Variants in WIPF2 observed in about 807,000 individuals in gnomAD.
WIPF2 encodes the protein WAS/WASL-interacting protein family member 2.
A neutral mutation model predicts 38.8 loss-of-function variants in WIPF2; 23 were observed. That is an observed-to-expected ratio of 0.59 (90% CI 0.43 to 0.84). The LOEUF (loss-of-function observed/expected upper bound fraction) is 0.84, where lower values mean the gene tolerates loss of function less well. Ranked by LOEUF, WIPF2 falls within the 40% of genes least tolerant of loss-of-function variation. WIPF2 has a pLI of 0.00. For synonymous variants in WIPF2, 210 were observed against 223.2 expected, an observed-to-expected ratio of 0.94 and a Z score of 0.53; for missense variants, 574 against 580.5, an observed-to-expected ratio of 0.99 and a Z score of 0.11.
At chr17:40,220,329 T>G (rs55835834) in intron 1 of WIPF2, 24,443 of 151,582 alleles carry the variant, frequency 0.16, 2,133 homozygotes, top group East Asian at 0.3. Context: ...TCGAGTTTTT[T>G]ATCAGGAAGG....
chr17:40,249,042 G>C (rs1444292410), intron 1 of WIPF2, among the ~76,000 whole-genome samples: 1 of 152,022 alleles, frequency 6.6e-6, no homozygotes, highest in Admixed American at 6.6e-5. Flanking sequence ...TCAGTGCTTT[G>C]ATACAAAAAC....
intron 1 of WIPF2, among the ~76,000 whole-genome samples, chr17:40,237,545 A>T (rs2031024080): frequency 6.7e-6 from 1 of 149,614 alleles, no homozygotes; most frequent in African/African-American, 2.5e-5. Context: ...CCCAACCCTA[A>T]TTTTTTTTTC....
At chr17:40,258,889 G>A (rs573312933) in intron 2 of WIPF2, among the ~76,000 whole-genome samples, 32 of 151,118 alleles carry the variant, frequency 2.1e-4, no homozygotes, top group African/African-American at 7.0e-4. Context: ...CAAGTGATCC[G>A]CTTGCTTCAG....
chr17:40,270,613 C>G (rs1219880127), intron 5 of WIPF2, among the ~76,000 whole-genome samples: 1 of 152,094 alleles, frequency 6.6e-6, no homozygotes, highest in Non-Finnish European at 1.5e-5. Flanking sequence ...GGAGTAGATA[C>G]AAATTCTCAG....
Position 40,273,798 on chromosome 17 carries a change from C to G in WIPF2, c.979C>G (p.Pro327Ala). The change falls in exon 6 of 8, where the codon CCC (proline) becomes GCC (alanine). Residue 327 changes from proline to alanine, a missense_variant. Physicochemically the swap from Pro to Ala is conservative, Grantham distance 27. Transcript: ENST00000323571. ...DPPSRGAAPP[P>A]PPPVIRNGAR... ...TTGGATTTTAATTGCAGCTCCTCCA[C>G]CCCCACCACCTGTGATCCGAAATGG... The G allele has an allele frequency of 6.2e-7, 1 of 1,603,746 alleles. No individual in the cohort carries two copies. The highest frequency in any genetic ancestry group is 8.5e-7 in the Non-Finnish European group (1 of 1,172,380).
At position 40,227,506 on chromosome 17, in the gene WIPF2, T is replaced by G. The variant is rs370602246; in HGVS notation, c.-70+8014T>G. Among the ~76,000 whole-genome samples, 7 of 152,278 alleles carry G rather than the reference T, an allele frequency of 4.6e-5. No individual in the cohort carries two copies. In the East Asian group the frequency reaches 1.2e-3, roughly 25 times the overall value. On this transcript the variant is annotated intron_variant, in intron 1 of 7. Coordinates refer to ENST00000323571, the MANE Select transcript of WIPF2 (RefSeq NM_133264.5). ...CCCTTGGAAACATCTATGTTTGTCT[T>G]CCTATCAATCCAGTTCATCTTCCCA...
At chr17:40,222,427 G>A (rs1016004068) in intron 1 of WIPF2, among the ~76,000 whole-genome samples, 1 of 151,072 alleles carries the variant, frequency 6.6e-6, no homozygotes, top group Admixed American at 6.6e-5. Context: ...GGAGGCCAAG[G>A]TGGTGGATCA....
At chr17:40,263,546 TCC>T (rs71152659) in intron 4 of WIPF2, among the ~76,000 whole-genome samples, 1,678 of 85,894 alleles carry the variant, frequency 0.02, 27 homozygotes, top group Non-Finnish European at 0.029. Flanking sequence ...TATTTATTCG[TCC>T]CCCCCCCCCC....
intron 6 of WIPF2, among the ~76,000 whole-genome samples, chr17:40,274,462 A>G (rs561626179): frequency 6.7e-6 from 1 of 149,830 alleles, no homozygotes; most frequent in East Asian, 2.0e-4. Flanking sequence ...GCCGCTGTCA[A>G]ACTCCTGGTC....
intron 1 of WIPF2, among the ~76,000 whole-genome samples, chr17:40,254,095 CA>C (rs1479410566): frequency 6.6e-6 from 1 of 151,394 alleles, no homozygotes; most frequent in Non-Finnish European, 1.5e-5. Context: ...GGGCTTACTG[CA>C]ACCTCCGCCT....
Position 40,273,912 on chromosome 17 carries a change from A to G in WIPF2, c.1093A>G (p.Arg365Gly), listed in dbSNP as rs368033023. ...AGGAAAGCCCCCACCTCCACCCTCA[A>G]GGACGCCAGCTGGGCCACCCCCTCC... Reference protein sequence around the residue: ...SRGKPPPPPSRTPAGPPPPPP... With the variant: ...SRGKPPPPPSGTPAGPPPPPP... The change falls in exon 6 of 8, where the codon AGG becomes GGG. Residue 365 changes from arginine to glycine, a missense_variant. Coordinates refer to ENST00000323571, the MANE Select transcript of WIPF2 (RefSeq NM_133264.5). 1.3e-6 allele frequency: 2 copies of G among 1,587,008 alleles called. No individual in the cohort carries two copies. Among genetic ancestry groups the G allele is most frequent in the African/African-American group, 2.8e-5 (2 of 71,616 alleles).
At chr17:40,254,453 T>G (rs992333706) in intron 1 of WIPF2, among the ~76,000 whole-genome samples, 6 of 152,156 alleles carry the variant, frequency 3.9e-5, no homozygotes, top group African/African-American at 1.4e-4. Flanking sequence ...TTCCATTTTT[T>G]GGGGGGAGGG....
intron 5 of WIPF2, among the ~76,000 whole-genome samples, chr17:40,266,580 A>G (rs2032094551): frequency 6.6e-6 from 1 of 152,332 alleles, no homozygotes; most frequent in Non-Finnish European, 1.5e-5. Context: ...AGATAGCAAT[A>G]TAGAAATCTC....
At position 40,244,981 on chromosome 17, in the gene WIPF2, G is replaced by A. The variant is rs114550442; in HGVS notation, c.-69-11410G>A. ...TGGTTAAATTCTCCTAGATCCTGAA[G>A]CCTGCAACCCTATCCAAAGGAAGAC... On this transcript the variant is annotated intron_variant, in intron 1 of 7. Transcript: ENST00000323571. Among the ~76,000 whole-genome samples the A allele has an allele frequency of 1.4e-3, 215 of 152,122 alleles. 2 individuals are homozygous for A. Among genetic ancestry groups the A allele is most frequent in the African/African-American group, 4.9e-3 (202 of 41,484 alleles).
At chr17:40,250,186 A>G (rs568799216) in intron 1 of WIPF2, among the ~76,000 whole-genome samples, 1 of 124,154 alleles carries the variant, frequency 8.1e-6, no homozygotes, top group Admixed American at 8.5e-5. Flanking sequence ...TAAGATATTG[A>G]CTCCTGAGGA....
In WIPF2 at chr17:40,228,010, G is replaced by GTTT. The variant is rs1175714533; in HGVS notation, c.-70+8539_-70+8541dup. 7.9e-3 allele frequency among the ~76,000 whole-genome samples: 624 copies of GTTT among 79,242 alleles called. 23 individuals carry two copies. Among genetic ancestry groups the GTTT allele is most frequent in the African/African-American group, 0.019 (336 of 17,612 alleles). 52.0% of individuals were successfully genotyped at this position (79,242 alleles called of 152,430 possible). ...TTTGCTTGTTTTTATACCTCTTTTT[G>GTTT]TTTTTTTTTTTTTTTTTTTTTTTGA... is the stretch of plus-strand genomic sequence containing the variant. On this transcript the variant is annotated intron_variant, in intron 1 of 7. Transcript: ENST00000323571.
chr17:40,239,986 C>T (rs1056243087), intron 1 of WIPF2, among the ~76,000 whole-genome samples: 7 of 152,002 alleles, frequency 4.6e-5, no homozygotes, highest in Non-Finnish European at 7.4e-5. Flanking sequence ...CATGAGCCAC[C>T]GAGCCTGGCC....
chr17:40,235,982 G>A (rs1598471684), intron 1 of WIPF2, among the ~76,000 whole-genome samples: 1 of 149,446 alleles, frequency 6.7e-6, no homozygotes, highest in Admixed American at 6.7e-5. Context: ...TTTTTGAGAT[G>A]GAGTCTTGCT....
chr17:40,261,480 G>C (rs1018362395), intron 3 of WIPF2, among the ~76,000 whole-genome samples: 1 of 150,480 alleles, frequency 6.6e-6, no homozygotes. Context: ...TGTATTTTTA[G>C]TAGAGACGGG....
Sources: allele counts gnomAD v4.1 joint callset (sites outside exome capture counted in the v4.1 genomes callset), GRCh38; gene constraint gnomAD v4.1.1; transcripts MANE v1.5; gene names NCBI Gene and HGNC (gene_info 2026-07-23, HGNC 2026-07-21).